The following THEMIS variants were observed in gnomAD, a reference collection of about 807,000 sequenced individuals.
THEMIS encodes the protein protein THEMIS.
A neutral mutation model predicts 52.6 loss-of-function variants in THEMIS; 37 were observed. The observed-to-expected ratio is 0.70, with a 90% CI of 0.54 to 0.93. The LOEUF is 0.93. THEMIS is among the 40% of genes least tolerant of loss of function. The pLI is 0.00. For missense variants in THEMIS, 808 were observed against 763.1 expected (o/e 1.06, Z -0.69); for synonymous variants, 292 against 272.7 (o/e 1.07, Z -0.70).
chr6:127,795,572 C>T (rs973608106), intron 4 of THEMIS, among the ~76,000 whole-genome samples: 2 of 152,172 alleles, frequency 1.3e-5, no homozygotes, highest in African/African-American at 4.8e-5. Flanking sequence ...TCGTGATCTG[C>T]CCGCCTCGGC....
intron 4 of THEMIS, among the ~76,000 whole-genome samples, chr6:127,731,120 T>C (rs1394019881): frequency 6.6e-6 from 1 of 152,250 alleles, no homozygotes; most frequent in Non-Finnish European, 1.5e-5. Flanking sequence ...ATAATTTCTT[T>C]GCTGCAATAA....
At chr6:127,847,307 T>A (rs1206183098) in intron 2 of THEMIS, among the ~76,000 whole-genome samples, 1 of 151,738 alleles carries the variant, frequency 6.6e-6, no homozygotes, top group Non-Finnish European at 1.5e-5. Context: ...GAGAAAGAAA[T>A]AAAGGGCATC....
intron 2 of THEMIS, 107 bp downstream of exon 2, chr6:127,854,923 T>A: frequency 1.1e-6 from 1 of 950,652 alleles, no homozygotes; most frequent in African/African-American, 1.7e-5. Context: ...CCCCCCATTA[T>A]CCTAGAGTGA....
chr6:127,840,248 C>T (rs1779001109), intron 2 of THEMIS, among the ~76,000 whole-genome samples: 1 of 151,992 alleles, frequency 6.6e-6, no homozygotes. Flanking sequence ...GGCTGTTCAT[C>T]ACAGTACAAA....
At chr6:127,822,578 C>A in intron 3 of THEMIS, among the ~76,000 whole-genome samples, 1 of 152,068 alleles carries the variant, frequency 6.6e-6, no homozygotes, top group East Asian at 1.9e-4. Context: ...TCCATAAAAT[C>A]TAAGAAAAGC....
chr6:127,793,953 A>G (rs1392282435), intron 4 of THEMIS, among the ~76,000 whole-genome samples: 2 of 152,182 alleles, frequency 1.3e-5, no homozygotes, highest in African/African-American at 4.8e-5. Context: ...ATCTAACTCC[A>G]GATTAAACTT....
chr6:127,890,764 T>C (rs750700957), intron 1 of THEMIS, among the ~76,000 whole-genome samples: 3 of 152,090 alleles, frequency 2.0e-5, no homozygotes, highest in Non-Finnish European at 4.4e-5. Context: ...TTAACAGCTT[T>C]TGTGAGAAAA....
intron 4 of THEMIS, among the ~76,000 whole-genome samples, chr6:127,791,561 G>A (rs993445113): frequency 3.3e-5 from 5 of 152,108 alleles, no homozygotes; most frequent in Non-Finnish European, 5.9e-5. Context: ...GCAGCCCTCC[G>A]GCAGGCTTCA....
intron 1 of THEMIS, among the ~76,000 whole-genome samples, chr6:127,899,694 CTT>C (rs1030818453): frequency 6.6e-6 from 1 of 151,606 alleles, no homozygotes; most frequent in Non-Finnish European, 1.5e-5. Context: ...TAAAGAAAGA[CTT>C]TTTACGTAAA....
intron 2 of THEMIS, among the ~76,000 whole-genome samples, chr6:127,843,100 A>T (rs914456349): frequency 5.3e-5 from 8 of 152,006 alleles, no homozygotes; most frequent in African/African-American, 1.9e-4. Context: ...AACATATGAA[A>T]GAAATTTTCT....
intron 4 of THEMIS, among the ~76,000 whole-genome samples, chr6:127,799,910 C>T (rs1276182363): frequency 6.6e-6 from 1 of 152,042 alleles, no homozygotes; most frequent in Non-Finnish European, 1.5e-5. Flanking sequence ...TTATAAGTGA[C>T]CAATTTAGTC....
rs58472332 is a variant in THEMIS at position 127,907,337 on chromosome 6, A to ATTTTTTTTTTTTTT, written c.-149-6270_-149-6257dup. 8.2e-3 allele frequency among the ~76,000 whole-genome samples: 405 copies of ATTTTTTTTTTTTTT among 49,452 alleles called. 99 individuals are homozygous for ATTTTTTTTTTTTTT. The highest frequency in any genetic ancestry group is 0.011 in the South Asian group (13 of 1,190). 32.4% of individuals were successfully genotyped at this position (49,452 alleles called of 152,430 possible). A position where few individuals can be genotyped will look rare whatever the true frequency, so the allele number is the denominator to read the frequency against. On this transcript the variant is annotated intron_variant, in intron 1 of 6. Coordinates refer to the THEMIS transcript ENST00000368250. ...AATACCATTAGGGCATTAGGCTCGGATTTTTTTTTTTTTTTTTTTTTTTTT... is the reference window on the plus strand; with the variant it reads ...AATACCATTAGGGCATTAGGCTCGGATTTTTTTTTTTTTTTTTTTTTTTTTTTTTTTTTTTTTTT...
At chr6:127,909,900 A>C (rs1781369556) in intron 1 of THEMIS, 1 of 152,130 alleles carries the variant, frequency 6.6e-6, no homozygotes, top group South Asian at 2.1e-4. Flanking sequence ...AAGTACTCCT[A>C]TTTTACAAAC....
At chr6:127,780,056 A>T (rs899303057) in intron 4 of THEMIS, among the ~76,000 whole-genome samples, 1 of 152,048 alleles carries the variant, frequency 6.6e-6, no homozygotes, top group Non-Finnish European at 1.5e-5. Flanking sequence ...GGTCTCTAAG[A>T]ACTTGCTTTA....
intron 4 of THEMIS, among the ~76,000 whole-genome samples, chr6:127,791,353 G>A (rs979302206): frequency 4.6e-5 from 7 of 152,046 alleles, no homozygotes; most frequent in Non-Finnish European, 5.9e-5. Flanking sequence ...TGATTGTCCC[G>A]TTGTCCACTC....
At chr6:127,853,005 G>A (rs985667265) in intron 2 of THEMIS, among the ~76,000 whole-genome samples, 1 of 151,604 alleles carries the variant, frequency 6.6e-6, no homozygotes, top group Non-Finnish European at 1.5e-5. Context: ...CAAAAACTAA[G>A]TGTTTTCACT....
At chr6:127,758,582 G>C in intron 4 of THEMIS, among the ~76,000 whole-genome samples, 1 of 151,386 alleles carries the variant, frequency 6.6e-6, no homozygotes, top group East Asian at 1.9e-4. Flanking sequence ...ATAGCAGAAA[G>C]ATAAAAAAGT....
chr6:127,885,055 T>C (rs1780604102), intron 1 of THEMIS, among the ~76,000 whole-genome samples: 3 of 152,178 alleles, frequency 2.0e-5, no homozygotes, highest in Admixed American at 2.0e-4. Flanking sequence ...GCAGTCACAC[T>C]AGGGTTTCAA....
At chr6:127,909,250 C>T (rs970692593) in intron 1 of THEMIS, among the ~76,000 whole-genome samples, 5 of 151,958 alleles carry the variant, frequency 3.3e-5, no homozygotes, top group African/African-American at 1.2e-4. Context: ...TAGACTGAGT[C>T]GGGGAAGTTA....
Sources: allele counts gnomAD v4.1 joint callset (sites outside exome capture counted in the v4.1 genomes callset), GRCh38; gene constraint gnomAD v4.1.1; transcripts MANE v1.5; gene names NCBI Gene and HGNC (gene_info 2026-07-23, HGNC 2026-07-21).